RAD23A: variants seen among roughly 807,000 people sequenced by gnomAD.
RAD23A encodes the protein lysine-specific demethylase RAD23A.
Under a neutral mutation model 44.8 loss-of-function variants are expected in RAD23A, and 16 were observed. The observed-to-expected ratio is 0.36, with a 90% CI of 0.24 to 0.54. RAD23A has a LOEUF of 0.54. RAD23A is among the 20% of genes least tolerant of loss of function. RAD23A has a pLI of 0.89. For synonymous variants in RAD23A, 217 were observed against 202.9 expected, an observed-to-expected ratio of 1.07 and a Z score of -0.59; for missense variants, 380 against 483.3, an observed-to-expected ratio of 0.79 and a Z score of 2.00.
intron 1 of RAD23A, 33 bp downstream of exon 1, chr19:12,946,053 C>CCGGGGGGGGGG: frequency 7.4e-6 from 3 of 404,444 alleles, no homozygotes; most frequent in South Asian, 4.2e-5. Context: ...GGGGCGGGAG[C>CCGGGGGGGGGG]GACGGGTTTC....
intron 7 of RAD23A, 193 bp from the exon 8 acceptor site, chr19:12,952,496 T>A: frequency 1.5e-6 from 1 of 646,052 alleles, no homozygotes; most frequent in South Asian, 2.1e-5. Context: ...CCGGCTTATT[T>A]CTTGGCTCAC....
In RAD23A at chr19:12,948,968, G is replaced by T; in HGVS notation, c.601-113G>T. On this transcript the variant is annotated intron_variant, in intron 5 of 8. Transcript: ENST00000586534. The surrounding 1 kb of genome is among the most constrained non-coding windows in gnomAD (Gnocchi z 5.5). ...TTCCCACAGGAGGCTGGATGTGAGT[G>T]ATGGGTGGGCCTCTGGAGGGCAGGG... 7.9e-6 allele frequency: 12 copies of T among 1,521,750 alleles called. No individual in the cohort carries two copies. Among genetic ancestry groups the T allele is most frequent in the Non-Finnish European group, 1.1e-5 (12 of 1,113,260 alleles). 94.3% of individuals were successfully genotyped at this position (1,521,750 alleles called of 1,614,324 possible).
intron 7 of RAD23A, among the ~76,000 whole-genome samples, chr19:12,950,012 T>C (rs1971765421): frequency 6.6e-6 from 1 of 152,064 alleles, no homozygotes; most frequent in Admixed American, 6.6e-5. Context: ...TGGTCGGTCG[T>C]GTTCTTCATC....
chr19:12,950,642 C>T (rs1568454514), intron 7 of RAD23A, among the ~76,000 whole-genome samples: 1 of 152,182 alleles, frequency 6.6e-6, no homozygotes, highest in Non-Finnish European at 1.5e-5. Context: ...ACCTAATGAT[C>T]TGCCCGCCTT....
In RAD23A at chr19:12,946,040, C is replaced by T. The variant is rs756886774; in HGVS notation, c.72+20C>T. 2.4e-5 allele frequency: 20 copies of T among 836,386 alleles called. No homozygotes were observed. Among genetic ancestry groups the T allele is most frequent in the Non-Finnish European group, 2.7e-5 (16 of 592,978 alleles). 51.8% of individuals were successfully genotyped at this position (836,386 alleles called of 1,614,324 possible). ...GAGACGGTGCGGGCCGGGCCGGAGC[C>T]CGGGGGCGGGAGCGACGGGTTTCGG... On this transcript the variant is annotated intron_variant, in intron 1 of 8. Transcript: ENST00000586534.
chr19:12,949,659 T>C, intron 7 of RAD23A: 1 of 549,468 alleles, frequency 1.8e-6, no homozygotes, highest in Non-Finnish European at 3.2e-6. Flanking sequence ...TAGAGCAGCC[T>C]GTCATTCCCA....
Position 12,945,900 on chromosome 19 carries a change from T to A in RAD23A, c.-49T>A, listed in dbSNP as rs754896899. On this transcript the variant is annotated 5_prime_UTR_variant, in exon 1 of 9. Coordinates refer to ENST00000586534, the MANE Select transcript of RAD23A (RefSeq NM_005053.4). ...GCGCTAAGATGGCGGCGGCGTGAGT[T>A]GCATGTTGTGTGAGGATCCCGGGGC... The A allele has an allele frequency of 1.8e-5, 28 of 1,586,052 alleles. No homozygotes were observed. The highest frequency in any genetic ancestry group is 2.3e-5 in the Non-Finnish European group (27 of 1,161,934).
rs1408103552 is a variant in RAD23A at position 12,953,091 on chromosome 19, T to C, written c.*42T>C. 2 of 1,390,494 alleles carry C rather than the reference T, an allele frequency of 1.4e-6. No homozygotes were observed. Among genetic ancestry groups the C allele is most frequent in the African/African-American group, 1.5e-5 (1 of 68,670 alleles). The allele number at this position is 1,390,494 out of a possible 1,614,324, so 86.1% of individuals were successfully genotyped here. On this transcript the variant is annotated 3_prime_UTR_variant, in exon 9 of 9. Transcript: ENST00000586534. The stretch of plus-strand genomic sequence containing the variant: ...CACCGAAGCCCCCACCCTACCCTTA[T>C]TCCATGAAAGTTTTATAAAAGAAAA...
chr19:12,951,447 GTTGT>G (rs577130824), intron 7 of RAD23A, among the ~76,000 whole-genome samples: 94 of 151,642 alleles, frequency 6.2e-4, no homozygotes, highest in Middle Eastern at 3.4e-3. Context: ...TTTTGTTGTT[GTTGT>G]TTGTTTGTTT....
At chr19:12,947,655 A>G (rs936983535) in intron 1 of RAD23A, among the ~76,000 whole-genome samples, 193 bp from the exon 2 acceptor site, 1 of 152,248 alleles carries the variant, frequency 6.6e-6, no homozygotes, top group African/African-American at 2.4e-5. Context: ...GGTGTTTAGT[A>G]TAAGTAAATA....
Position 12,952,676 on chromosome 19 carries a change from C to G in RAD23A, c.814-13C>G. 6.2e-7 allele frequency: 1 copy of G among 1,603,928 alleles called. No individual in the cohort carries two copies. Among genetic ancestry groups the G allele is most frequent in the Non-Finnish European group, 8.5e-7 (1 of 1,172,556 alleles). ...GCTGTGAATTACCTTCCCTTCCCCACCCTCTCCTGCAGCAAATCAGCCGGC... is the reference window on the plus strand; with the variant it reads ...GCTGTGAATTACCTTCCCTTCCCCAGCCTCTCCTGCAGCAAATCAGCCGGC... On this transcript the variant is annotated splice_polypyrimidine_tract_variant and intron_variant, in intron 7 of 8. Coordinates refer to ENST00000586534, the MANE Select transcript of RAD23A (RefSeq NM_005053.4).
chr19:12,951,785 A>G (rs1971819459), intron 7 of RAD23A, among the ~76,000 whole-genome samples: 1 of 152,184 alleles, frequency 6.6e-6, no homozygotes, highest in Non-Finnish European at 1.5e-5. Context: ...GAGACTTCCC[A>G]GATGCATCCA....
Position 12,945,945 on chromosome 19 carries a change from C to T in RAD23A, c.-4C>T. ...CGGGGCCGCCGCGTCGCTCGGGCCC[C>T]GCCATGGCCGTCACCATCACGCTCA... On this transcript the variant is annotated 5_prime_UTR_variant, in exon 1 of 9. Transcript: ENST00000586534. 3 of 1,607,780 alleles carry T rather than the reference C, an allele frequency of 1.9e-6. No homozygotes were observed. The highest frequency in any genetic ancestry group is 1.7e-6 in the Non-Finnish European group (2 of 1,178,220).
intron 8 of RAD23A, 30 bp from the exon 9 acceptor site, chr19:12,952,906 C>T: frequency 6.2e-7 from 1 of 1,612,234 alleles, no homozygotes; most frequent in South Asian, 1.1e-5. Flanking sequence ...CCTACCCTCT[C>T]CTGCTCACAC....
chr19:12,951,944 A>G (rs1373051196), intron 7 of RAD23A, among the ~76,000 whole-genome samples: 2 of 150,538 alleles, frequency 1.3e-5, no homozygotes, highest in Admixed American at 1.3e-4. Context: ...TCACTCACTT[A>G]TTTTTTGAGA....
In RAD23A at chr19:12,948,593, C is replaced by T. The variant is rs202212438; in HGVS notation, c.472+41C>T. ...CCAGGGCAGAGGTGACTGGGTGCCC[C>T]AGCCATCAGCTGGGCCTTGTCTGGG... On this transcript the variant is annotated intron_variant, in intron 4 of 8. Transcript: ENST00000586534. This position sits in a 1 kb window ranked among gnomAD's most constrained non-coding sequence, Gnocchi z 5.5. The T allele has an allele frequency of 4.4e-6, 7 of 1,574,274 alleles. No homozygotes were observed. In the African/African-American group the frequency reaches 8.1e-5, roughly 18 times the overall value.
chr19:12,945,882 G>A lies in RAD23A; in HGVS notation c.-67G>A. The A allele has an allele frequency of 1.3e-6, 2 of 1,548,380 alleles. No homozygotes were observed. The highest frequency in any genetic ancestry group is 3.4e-5 in the Admixed American group (2 of 58,598). ...GCGGCGCGGCGCGCCTGGGCGCTAA[G>A]ATGGCGGCGGCGTGAGTTGCATGTT... On this transcript the variant is annotated 5_prime_UTR_variant, in exon 1 of 9. Transcript: ENST00000586534.
chr19:12,946,333 C>G (rs888707177), intron 1 of RAD23A, among the ~76,000 whole-genome samples: 4 of 152,252 alleles, frequency 2.6e-5, no homozygotes, highest in African/African-American at 7.2e-5. Flanking sequence ...AGGCCAAGCT[C>G]TCCAAGACTG....
chr19:12,947,981 A>AG lies in RAD23A; in HGVS notation c.207dup (p.Asn70GlufsTer77). The AG allele has an allele frequency of 6.2e-7, 1 of 1,613,918 alleles. No homozygotes were observed. Among genetic ancestry groups the AG allele is most frequent in the Non-Finnish European group, 8.5e-7 (1 of 1,180,026 alleles). ...ATCAGGGACTATCGCATCGATGAGA[A>AG]GAACTTTGTGGTCGTCATGGTGACC... On this transcript the variant is annotated frameshift_variant, in exon 2 of 9. Coordinates refer to ENST00000586534, the MANE Select transcript of RAD23A (RefSeq NM_005053.4). LOFTEE classifies it high-confidence loss of function.
Sources: gnomAD v4.1 joint callset for allele counts (sites outside exome capture counted in the v4.1 genomes callset) on GRCh38, gnomAD v4.1.1 for gene constraint, Gnocchi (gnomAD v3.1) non-coding constraint, MANE v1.5 for transcripts, NCBI Gene and HGNC (gene_info 2026-07-23, HGNC 2026-07-21) for gene names.